RFX3: variants seen among roughly 807,000 people sequenced by gnomAD.
RFX3 encodes transcription factor RFX3.
A neutral mutation model predicts 98.6 loss-of-function variants in RFX3; 14 were observed. The ratio of observed to expected loss-of-function variants is 0.14; its 90% CI spans 0.09 to 0.22. RFX3 has a LOEUF of 0.22. Among genes scored for constraint, RFX3 ranks in the 10% least tolerant of loss-of-function variants. The probability of loss-of-function intolerance (pLI) is 1.00; values close to 1 mark genes in which losing one functional copy is unlikely to be tolerated. For synonymous variants in RFX3, 383 were observed against 328.4 expected (o/e 1.17, Z -1.80); for missense variants, 639 against 926.9 (o/e 0.69, Z 4.03).
Position 3,221,424 on chromosome 9 carries a change from T to G in RFX3, c.*3618A>C, listed in dbSNP as rs989105926. 7.2e-5 allele frequency: 11 copies of G among 152,174 alleles called. No individual in the cohort carries two copies. Among genetic ancestry groups the G allele is most frequent in the African/African-American group, 2.7e-4 (11 of 41,460 alleles). The allele number at this position is 152,174 out of a possible 1,614,324, so 9.4% of individuals were successfully genotyped here. On this transcript the variant is annotated 3_prime_UTR_variant, in exon 17 of 17. Transcript: ENST00000617270. ...TCTACTACAAATCAAAGGCAGTCAATGCTGCACACTACTAATTTTAGGTAT... is the reference window on the plus strand; with the variant it reads ...TCTACTACAAATCAAAGGCAGTCAAGGCTGCACACTACTAATTTTAGGTAT...
chr9:3,477,365 T>C (rs1210425641), intron 1 of RFX3, among the ~76,000 whole-genome samples: 2 of 152,186 alleles, frequency 1.3e-5, no homozygotes, highest in Non-Finnish European at 2.9e-5. Flanking sequence ...CCCTTTAACA[T>C]TTCTTAGAGT....
chr9:3,229,742 G>A (rs1238050367), intron 15 of RFX3, among the ~76,000 whole-genome samples: 1 of 152,170 alleles, frequency 6.6e-6, no homozygotes, highest in Non-Finnish European at 1.5e-5. Context: ...GTCATTATTA[G>A]AAATTCAGAT....
intron 3 of RFX3, among the ~76,000 whole-genome samples, chr9:3,336,185 C>A (rs1015674611): frequency 6.6e-6 from 1 of 151,998 alleles, no homozygotes; most frequent in African/African-American, 2.4e-5. Context: ...GATATGGTGA[C>A]CATTATCTCA....
intron 3 of RFX3, among the ~76,000 whole-genome samples, chr9:3,334,956 T>TA (rs991848239): frequency 6.6e-6 from 1 of 151,552 alleles, no homozygotes; most frequent in African/African-American, 2.4e-5. Flanking sequence ...TTGTCTTTAC[T>TA]AAAAAAATAC....
intron 3 of RFX3, 122 bp from the exon 4 acceptor site, chr9:3,330,639 C>T (rs1362857605): frequency 3.4e-6 from 3 of 870,988 alleles, no homozygotes; most frequent in East Asian, 2.7e-5. Context: ...TGGCAAGTTT[C>T]GCATTTTGTA....
intron 1 of RFX3, among the ~76,000 whole-genome samples, chr9:3,482,698 A>T (rs1030407236): frequency 6.6e-6 from 1 of 152,212 alleles, no homozygotes; most frequent in Non-Finnish European, 1.5e-5. Flanking sequence ...AGTTGTTTCT[A>T]TTCACATATA....
At chr9:3,226,521 C>T (rs2130592887) in intron 16 of RFX3, among the ~76,000 whole-genome samples, 1 of 152,246 alleles carries the variant, frequency 6.6e-6, no homozygotes, top group Admixed American at 6.5e-5. Flanking sequence ...ACATGCATTA[C>T]CTAGAAATGT....
intron 1 of RFX3, among the ~76,000 whole-genome samples, chr9:3,425,500 T>A (rs973383330): frequency 1.3e-5 from 2 of 152,210 alleles, no homozygotes; most frequent in African/African-American, 4.8e-5. Flanking sequence ...AATAGCCCTA[T>A]CTTCTCTGTA....
At chr9:3,424,378 T>C (rs1455574006) in intron 1 of RFX3, among the ~76,000 whole-genome samples, 1 of 117,442 alleles carries the variant, frequency 8.5e-6, no homozygotes, top group East Asian at 2.4e-4. Flanking sequence ...TTTTTTTTTT[T>C]TGAGACGGAG....
rs140026948 is a variant in RFX3, at chr9:3,228,142, T to C, written c.2011+705A>G. Reference sequence around the variant, plus strand: ...AGATAATTTACTTGTTTTTAAAAATTGCACTGGTATATTTATCAGTATTGT... The same window carrying C: ...AGATAATTTACTTGTTTTTAAAAATCGCACTGGTATATTTATCAGTATTGT... On this transcript the variant is annotated intron_variant, in intron 16 of 16. Coordinates refer to ENST00000617270, the MANE Select transcript of RFX3 (RefSeq NM_001282116.2). Among the ~76,000 whole-genome samples the C allele has an allele frequency of 7.2e-5, 11 of 152,314 alleles. No individual in the cohort carries two copies. The East Asian group carries it at 2.1e-3, about 29-fold the overall frequency.
intron 1 of RFX3, among the ~76,000 whole-genome samples, chr9:3,470,655 T>C (rs1041536870): frequency 4.6e-5 from 7 of 152,292 alleles, no homozygotes; most frequent in African/African-American, 1.7e-4. Flanking sequence ...CACAGCCCGA[T>C]ACTAGCTCCA....
chr9:3,506,063 A>G (rs1817061179), intron 1 of RFX3, among the ~76,000 whole-genome samples: 1 of 151,854 alleles, frequency 6.6e-6, no homozygotes. Flanking sequence ...ACAGAAATTG[A>G]AGAGCACTCC....
intron 1 of RFX3, among the ~76,000 whole-genome samples, chr9:3,456,818 A>G (rs1389151971): frequency 6.6e-6 from 1 of 152,120 alleles, no homozygotes; most frequent in Non-Finnish European, 1.5e-5. Flanking sequence ...GGACTACTCA[A>G]GTCCTCACAA....
chr9:3,357,718 T>C (rs1835943644), intron 2 of RFX3, among the ~76,000 whole-genome samples: 1 of 152,024 alleles, frequency 6.6e-6, no homozygotes, highest in African/African-American at 2.4e-5. Context: ...ATTTATTATA[T>C]ATTTCAAAAT....
intron 1 of RFX3, among the ~76,000 whole-genome samples, chr9:3,504,965 A>AAC (rs1491113256): frequency 1.3e-5 from 1 of 78,058 alleles, no homozygotes; most frequent in Non-Finnish European, 2.2e-5. Context: ...TATTATATAT[A>AAC]ATATATATTA....
intron 15 of RFX3, 92 bp from the exon 16 acceptor site, chr9:3,228,981 T>A: frequency 9.4e-7 from 1 of 1,068,646 alleles, no homozygotes; most frequent in Non-Finnish European, 1.4e-6. Flanking sequence ...AATCTATGAC[T>A]CTTTAAAACT....
chr9:3,344,928 A>C (rs1220495554), intron 3 of RFX3: 1 of 683,330 alleles, frequency 1.5e-6, no homozygotes, highest in Admixed American at 2.4e-5. Flanking sequence ...TGTGTCTAAA[A>C]TATGTAAAGA....
chr9:3,464,324 T>C (rs970933554), intron 1 of RFX3, among the ~76,000 whole-genome samples: 17 of 152,212 alleles, frequency 1.1e-4, no homozygotes, highest in African/African-American at 3.4e-4. Context: ...AAAACACTTA[T>C]ATTGCATAAC....
chr9:3,391,841 G>T (rs1364865577), intron 2 of RFX3, among the ~76,000 whole-genome samples: 1 of 152,096 alleles, frequency 6.6e-6, no homozygotes, highest in Non-Finnish European at 1.5e-5. Context: ...AAGGTAACTG[G>T]CTTTCCCTAA....
Sources: allele counts gnomAD v4.1 joint callset (sites outside exome capture counted in the v4.1 genomes callset), GRCh38; gene constraint gnomAD v4.1.1; transcripts MANE v1.5; gene names NCBI Gene and HGNC (gene_info 2026-07-23, HGNC 2026-07-21).